LSS: variants seen among roughly 807,000 people sequenced by gnomAD.
The protein encoded by LSS is 2,3-epoxysqualene-lanosterol cyclase.
In LSS, 90 loss-of-function variants were observed where a neutral mutation model predicts 110.3. That is an observed-to-expected ratio of 0.82 (90% CI 0.69 to 0.97). The LOEUF (loss-of-function observed/expected upper bound fraction) is 0.97. LSS is among the 50% of genes least tolerant of loss of function. The pLI is 0.00. For missense variants in LSS, 927 were observed against 990.0 expected (o/e 0.94, Z 0.85); for synonymous variants, 433 against 400.0 (o/e 1.08, Z -0.98).
rs1278696724 is a variant in LSS at position 46,216,492 on chromosome 21, G to A, written c.680C>T (p.Ser227Phe). The change falls in exon 7 of 22, where the codon TCC (serine) becomes TTC (phenylalanine). Residue 227 changes from serine to phenylalanine, a missense_variant. Transcript: ENST00000397728. The surrounding 1 kb of genome is among the most constrained non-coding windows in gnomAD (Gnocchi z 4.2). ...CTGCCGGCAGTGGCACCAGAGTGTG[G>A]AGGGGTGTGCCGGTGCCCAGTCAGG... ...LFPDWAPAHP[S>F]TLWCHCRQVY... is the part of the protein sequence containing the mutation. 6.2e-7 allele frequency: 1 copy of A among 1,611,532 alleles called. No individual in the cohort carries two copies. The highest frequency in any genetic ancestry group is 8.5e-7 in the Non-Finnish European group (1 of 1,178,266).
Position 46,209,584 on chromosome 21 carries a change from C to T in LSS, c.1236G>A (p.Gln412=). 3.7e-6 allele frequency: 6 copies of T among 1,604,982 alleles called. No individual in the cohort carries two copies. Among genetic ancestry groups the T allele is most frequent in the Non-Finnish European group, 5.1e-6 (6 of 1,176,406 alleles). Residue 412 remains glutamine, a synonymous_variant, in exon 13 of 22, where the codon CAG becomes CAA. Transcript: ENST00000397728. The surrounding 1 kb of genome is among the most constrained non-coding windows in gnomAD (Gnocchi z 4.4). ...HHRPEFSSCL[Q]KAHEFLRLSQ... ...AGAGCCTCAGGAACTCATGAGCCTT[C>T]TGCAGGCAGGACGAAAACTCGGGCC...
At chr21:46,205,551 G>A (rs557809862) in intron 17 of LSS, among the ~76,000 whole-genome samples, 2 of 152,314 alleles carry the variant, frequency 1.3e-5, no homozygotes, top group East Asian at 1.9e-4. Context: ...CTTAAAAACC[G>A]TTTCTGGGAC....
At position 46,190,842 on chromosome 21, in the gene LSS, A is replaced by AG; in HGVS notation, c.*261dup. The AG allele has an allele frequency of 6.0e-6, 3 of 498,296 alleles. No individual in the cohort carries two copies. Among genetic ancestry groups the AG allele is most frequent in the East Asian group, 3.2e-5 (1 of 31,092 alleles). 30.9% of individuals were successfully genotyped at this position (498,296 alleles called of 1,614,324 possible). On this transcript the variant is annotated 3_prime_UTR_variant, in exon 22 of 22. Transcript: ENST00000397728. This position sits in a 1 kb window ranked among gnomAD's most constrained non-coding sequence, Gnocchi z 4.6. ...GTGGCAGAAGGCGCTGTGCCTCCTC[A>AG]GGGGTCACGGCTCCTGTGCCCCCTT...
At chr21:46,224,352 A>G (rs1340252403) in intron 3 of LSS, among the ~76,000 whole-genome samples, 1 of 152,128 alleles carries the variant, frequency 6.6e-6, no homozygotes, top group African/African-American at 2.4e-5. Context: ...ATTCGGGGCC[A>G]CTACTGGTCT....
intron 14 of LSS, 132 bp downstream of exon 14, chr21:46,208,119 C>T (rs2080077405): frequency 2.6e-6 from 2 of 778,304 alleles, no homozygotes; most frequent in Non-Finnish European, 4.2e-6. Context: ...GCATCCACCA[C>T]AGCAGGACAC....
intron 5 of LSS, 96 bp from the exon 6 acceptor site, chr21:46,219,668 G>A: frequency 1.5e-6 from 1 of 688,276 alleles, no homozygotes; most frequent in Non-Finnish European, 2.3e-6. Flanking sequence ...GGAGTCACGT[G>A]TGCCCCTCTC....
intron 20 of LSS, chr21:46,193,572 C>A: frequency 3.0e-6 from 1 of 334,518 alleles, no homozygotes; most frequent in Non-Finnish European, 5.6e-6. Context: ...CCTGTGGGTG[C>A]ATCTGTACGT....
At chr21:46,191,602 G>T (rs1302921165) in intron 21 of LSS, among the ~76,000 whole-genome samples, 1 of 152,150 alleles carries the variant, frequency 6.6e-6, no homozygotes, top group Admixed American at 6.5e-5. Flanking sequence ...TGGAGTGGGA[G>T]GGTCTGTCCT....
chr21:46,197,342 C>T (rs1405583811), intron 17 of LSS, among the ~76,000 whole-genome samples: 1 of 152,116 alleles, frequency 6.6e-6, no homozygotes, highest in Admixed American at 6.5e-5. Flanking sequence ...AGAACCTAAA[C>T]AGTCCTAAAA....
At chr21:46,203,467 T>C (rs375235900) in intron 17 of LSS, among the ~76,000 whole-genome samples, 3 of 152,344 alleles carry the variant, frequency 2.0e-5, no homozygotes, top group African/African-American at 7.2e-5. Context: ...AGATTCTCCT[T>C]CAGGGGCGAG....
At position 46,215,297 on chromosome 21, in the gene LSS, C is replaced by T. The variant is rs747318333; in HGVS notation, c.894G>A (p.Ala298=). The T allele has an allele frequency of 1.4e-5, 22 of 1,601,388 alleles. No individual in the cohort carries two copies. The highest frequency in any genetic ancestry group is 2.1e-4 in the Middle Eastern group (1 of 4,822). Residue 298 remains alanine, a splice_region_variant and synonymous_variant, in exon 9 of 22, where the codon GCG becomes GCA. Coordinates refer to ENST00000397728, the MANE Select transcript of LSS (RefSeq NM_002340.6). Reference sequence around the variant, plus strand: ...GGTGGTGCTCATACAGGTTGAGGAGCGCTACAGGGGACAGGGGTCAGTGGA... The same window carrying T: ...GGTGGTGCTCATACAGGTTGAGGAGTGCTACAGGGGACAGGGGTCAGTGGA... ...PHSWLLRVVY[A]LLNLYEHHHS...
rs2123681141 is a variant in LSS, at chr21:46,191,095, G to A, written c.*9C>T. 2 of 1,614,012 alleles carry A rather than the reference G, an allele frequency of 1.2e-6. No individual in the cohort carries two copies. The highest frequency in any genetic ancestry group is 1.1e-5 in the South Asian group (1 of 91,072). On this transcript the variant is annotated 3_prime_UTR_variant, in exon 22 of 22. Coordinates refer to ENST00000397728, the MANE Select transcript of LSS (RefSeq NM_002340.6). ...ACGCACAGACGGCACCCAGCAGGTAGGCATGTTCTCAGGGGTGGCCAGCAA... is the reference window on the plus strand; with the variant it reads ...ACGCACAGACGGCACCCAGCAGGTAAGCATGTTCTCAGGGGTGGCCAGCAA...
intron 15 of LSS, 43 bp downstream of exon 15, chr21:46,207,385 A>G: frequency 2.5e-6 from 4 of 1,604,014 alleles, no homozygotes; most frequent in South Asian, 1.1e-5. Flanking sequence ...GCTCATCTGC[A>G]GGACACGAGG....
rs1807640612 is a variant in LSS at position 46,190,262 on chromosome 21, T to C, written c.*842A>G. 5.8e-6 allele frequency: 1 copy of C among 173,616 alleles called. No homozygotes were observed. Among genetic ancestry groups the C allele is most frequent in the African/African-American group, 2.5e-5 (1 of 40,202 alleles). The allele number at this position is 173,616 out of a possible 1,614,324, so 10.8% of individuals were successfully genotyped here. On this transcript the variant is annotated 3_prime_UTR_variant, in exon 22 of 22. Transcript: ENST00000397728. The surrounding 1 kb of genome is among the most constrained non-coding windows in gnomAD (Gnocchi z 4.6). ...CCCTGTGCATTTCTGTGTCCGTAAG[T>C]GTCCCCTGTGCATTTCTGTGTCCAC...
In LSS at chr21:46,194,765, C is replaced by T. The variant is rs559712663; in HGVS notation, c.1818-104G>A. The T allele has an allele frequency of 1.2e-4, 143 of 1,146,674 alleles. 1 individual carries two copies. The African/African-American group carries it at 2.0e-3, about 16-fold the overall frequency. The allele number at this position is 1,146,674 out of a possible 1,614,324, so 71.0% of individuals were successfully genotyped here. A position where few individuals can be genotyped will look rare whatever the true frequency, so the allele number is the denominator to read the frequency against. The stretch of plus-strand genomic sequence containing the variant: ...CTTGGGGTACGGGGAGGAGCCTGCA[C>T]GATGGGGCCACCCTACCTAAGGGCC... On this transcript the variant is annotated intron_variant, in intron 19 of 21. Transcript: ENST00000397728.
At chr21:46,210,054 G>A (rs929094936) in intron 12 of LSS, among the ~76,000 whole-genome samples, 1 of 143,386 alleles carries the variant, frequency 7.0e-6, no homozygotes, top group Non-Finnish European at 1.5e-5. Context: ...ATAACAAACA[G>A]TTCCAGTTCT....
intron 3 of LSS, 28 bp from the exon 4 acceptor site, chr21:46,222,766 T>A: frequency 6.4e-7 from 1 of 1,553,446 alleles, no homozygotes; most frequent in Non-Finnish European, 8.9e-7. Context: ...TGTTCCTCAC[T>A]GGGGACAGGT....
intron 3 of LSS, among the ~76,000 whole-genome samples, chr21:46,223,214 A>G (rs781669646): frequency 2.6e-5 from 4 of 152,236 alleles, no homozygotes; most frequent in Non-Finnish European, 5.9e-5. Flanking sequence ...TTCTGTTTCA[A>G]AATTTTTTTA....
In LSS at chr21:46,207,515, G is replaced by A. The variant is rs189009774; in HGVS notation, c.1380C>T (p.Ala460=). The A allele has an allele frequency of 3.5e-4, 557 of 1,612,202 alleles. 4 individuals are homozygous for A. The East Asian group carries it at 0.01, about 29-fold the overall frequency. The stretch of plus-strand genomic sequence containing the variant: ...CCTGCAGGAGCAGCACAGCCTTCAA[G>A]GCCTCAGCCGTGCAGTCAGAAACGA... The part of the protein sequence containing the change: ...GWIVSDCTAE[A]LKAVLLLQEK... Residue 460 remains alanine, a synonymous_variant, in exon 15 of 22, where the codon GCC becomes GCT. Coordinates refer to ENST00000397728, the MANE Select transcript of LSS (RefSeq NM_002340.6).
Sources: allele counts gnomAD v4.1 joint callset (sites outside exome capture counted in the v4.1 genomes callset), GRCh38; gene constraint gnomAD v4.1.1; non-coding constraint Gnocchi (gnomAD v3.1); transcripts MANE v1.5; gene names NCBI Gene and HGNC (gene_info 2026-07-23, HGNC 2026-07-21).